The following PLCE1 variants were observed in gnomAD, a reference collection of about 807,000 sequenced individuals.
The protein encoded by PLCE1 is phospholipase C epsilon 1.
A neutral mutation model predicts 242.8 loss-of-function variants in PLCE1; 119 were observed. That is an observed-to-expected ratio of 0.49 (90% CI 0.42 to 0.57). The LOEUF (loss-of-function observed/expected upper bound fraction) is 0.57. PLCE1 is among the 20% of genes least tolerant of loss of function. The pLI is 0.00. For synonymous variants in PLCE1, 945 were observed against 1,017.4 expected (o/e 0.93, Z 1.35); for missense variants, 2,441 against 2,788.8 (o/e 0.88, Z 2.81).
At chr10:94,161,253 A>G (rs1350340975) in intron 3 of PLCE1, among the ~76,000 whole-genome samples, 2 of 152,132 alleles carry the variant, frequency 1.3e-5, no homozygotes, top group African/African-American at 4.8e-5. Flanking sequence ...CTTGGGCAGT[A>G]TGGCCATTTT....
intron 2 of PLCE1, among the ~76,000 whole-genome samples, chr10:94,100,884 G>A (rs2045508750): frequency 6.6e-6 from 1 of 152,172 alleles, no homozygotes; most frequent in Non-Finnish European, 1.5e-5. Flanking sequence ...AGGGTTCCCT[G>A]TCTGGAATTG....
chr10:94,213,522 G>C (rs1589359629), intron 4 of PLCE1, among the ~76,000 whole-genome samples: 1 of 152,240 alleles, frequency 6.6e-6, no homozygotes, highest in Non-Finnish European at 1.5e-5. Context: ...CCTCCTCAGA[G>C]AGCCCTGACC....
At chr10:94,284,014 C>T (rs2052345807) in intron 21 of PLCE1, 103 bp downstream of exon 21, 3 of 1,346,262 alleles carry the variant, frequency 2.2e-6, no homozygotes, top group Admixed American at 1.7e-5. Flanking sequence ...TCACCTTTCC[C>T]CTCACTTTCC....
At chr10:93,994,348 G>A (rs2134115806) in intron 1 of PLCE1, among the ~76,000 whole-genome samples, 90 bp downstream of exon 1, 1 of 152,344 alleles carries the variant, frequency 6.6e-6, no homozygotes, top group Non-Finnish European at 1.5e-5. Context: ...ACCCGCCTAA[G>A]GGAGCAGCCC....
chr10:94,179,302 T>C (rs1286620896), intron 4 of PLCE1, among the ~76,000 whole-genome samples: 1 of 152,020 alleles, frequency 6.6e-6, no homozygotes, highest in African/African-American at 2.4e-5. Context: ...AAATCATGTC[T>C]CATGGTTCCT....
chr10:94,322,278 C>T (rs1311924516), intron 30 of PLCE1, among the ~76,000 whole-genome samples: 3 of 151,766 alleles, frequency 2.0e-5, no homozygotes, highest in Non-Finnish European at 2.9e-5. Flanking sequence ...TACTTGAGCA[C>T]AGGAGTTGGA....
chr10:94,082,224 A>G (rs1314047613), intron 2 of PLCE1: 1 of 152,238 alleles, frequency 6.6e-6, no homozygotes, highest in Non-Finnish European at 1.5e-5. Flanking sequence ...AAGGTGAAAT[A>G]AGAAGATGAG....
chr10:94,319,862 C>CTTTTTTTTT (rs1564894048), intron 29 of PLCE1, among the ~76,000 whole-genome samples: 1 of 86,198 alleles, frequency 1.2e-5, no homozygotes, highest in Non-Finnish European at 2.6e-5. Flanking sequence ...CTCAAAGGTG[C>CTTTTTTTTT]TCTTTTTTTT....
Position 94,293,612 on chromosome 10 carries a change from G to T in PLCE1, c.5140G>T (p.Ala1714Ser). The T allele has an allele frequency of 2.5e-6, 4 of 1,613,792 alleles. No individual in the cohort carries two copies. The highest frequency in any genetic ancestry group is 3.4e-6 in the Non-Finnish European group (4 of 1,179,790). The stretch of plus-strand genomic sequence containing the variant: ...GGGCAGAATGAGCCCAGGGGAGACA[G>T]CATCATTTAACAAAACATCTGGAAA... Reference protein sequence around the residue: ...NPGRMSPGETASFNKTSGKSS... With the variant: ...NPGRMSPGETSSFNKTSGKSS... Residue 1714 changes from alanine to serine, a missense_variant, in exon 23 of 33, where the codon GCA (alanine) becomes TCA (serine). Physicochemically the swap from Ala to Ser is moderately conservative, Grantham distance 99 (BLOSUM62 1). Around this residue, in one of 5 missense-constraint regions of PLCE1, gnomAD observed 1,004 missense variants for 1,322.7 expected, o/e 0.76. Transcript: ENST00000371380.
chr10:94,123,333 G>T (rs1046510916), intron 2 of PLCE1, among the ~76,000 whole-genome samples: 3 of 152,174 alleles, frequency 2.0e-5, no homozygotes, highest in Non-Finnish European at 1.5e-5. Flanking sequence ...AAGTGATAAA[G>T]GTTCAGCTTA....
chr10:94,089,221 G>A (rs756865070), intron 2 of PLCE1: 1 of 1,614,040 alleles, frequency 6.2e-7, no homozygotes, highest in Non-Finnish European at 8.5e-7. Context: ...CAGCCTCTTA[G>A]GCAGAGAGCC....
At chr10:94,308,054 G>A (rs2053264874) in intron 26 of PLCE1, among the ~76,000 whole-genome samples, 1 of 151,996 alleles carries the variant, frequency 6.6e-6, no homozygotes, top group African/African-American at 2.4e-5. Context: ...ACTAATCTTT[G>A]TGTTTTGTAA....
At chr10:94,087,440 ATTTTCT>A (rs2044874160) in intron 2 of PLCE1, among the ~76,000 whole-genome samples, 1 of 151,224 alleles carries the variant, frequency 6.6e-6, no homozygotes, top group African/African-American at 2.4e-5. Flanking sequence ...CAACCTCCTA[ATTTTCT>A]TTTTCTTTTG....
chr10:94,205,379 T>C (rs1257710903), intron 4 of PLCE1, among the ~76,000 whole-genome samples: 2 of 152,204 alleles, frequency 1.3e-5, no homozygotes, highest in Non-Finnish European at 2.9e-5. Context: ...TTACTTTCAA[T>C]ATTAAAGATT....
chr10:94,238,837 C>T (rs936042164), intron 7 of PLCE1, among the ~76,000 whole-genome samples: 1 of 152,010 alleles, frequency 6.6e-6, no homozygotes, highest in Non-Finnish European at 1.5e-5. Flanking sequence ...CATGCTGCAC[C>T]TTAAGAAGGA....
chr10:94,246,178 CAGCCCGACAAT>C lies in PLCE1; in HGVS notation c.2657_2667del (p.Pro886HisfsTer16). On this transcript the variant is annotated frameshift_variant, in exon 8 of 33. Coordinates refer to ENST00000371380, the MANE Select transcript of PLCE1 (RefSeq NM_016341.4). LOFTEE classifies it high-confidence loss of function. ...CTCTGCCCGCTGCTTCCTCCAGCTT[CAGCCCGACAAT>C]AGCACCTTGACCTGGGTAAAGCCCA... 6.2e-7 allele frequency: 1 copy of C among 1,614,154 alleles called. No individual in the cohort carries two copies. The highest frequency in any genetic ancestry group is 8.5e-7 in the Non-Finnish European group (1 of 1,180,008).
At chr10:94,177,117 T>C (rs947936222) in intron 4 of PLCE1, among the ~76,000 whole-genome samples, 5 of 152,202 alleles carry the variant, frequency 3.3e-5, no homozygotes, top group Non-Finnish European at 5.9e-5. Context: ...TTAACTGTAA[T>C]GTGAGAAAAA....
chr10:94,175,305 T>C (rs2136363551), intron 4 of PLCE1, among the ~76,000 whole-genome samples: 1 of 152,342 alleles, frequency 6.6e-6, no homozygotes, highest in African/African-American at 2.4e-5. Flanking sequence ...TGTGTGTCTA[T>C]CTTTTTTCTA....
chr10:94,221,451 T>A (rs1206022190), intron 4 of PLCE1, among the ~76,000 whole-genome samples: 1 of 152,200 alleles, frequency 6.6e-6, no homozygotes, highest in East Asian at 1.9e-4. Flanking sequence ...AGTAGCTTTG[T>A]CATAGCCGGG....
Sources: gnomAD v4.1 joint callset for allele counts (sites outside exome capture counted in the v4.1 genomes callset) on GRCh38, gnomAD v4.1.1 for gene constraint, gnomAD v4.1.1 regional missense constraint, MANE v1.5 for transcripts, NCBI Gene and HGNC (gene_info 2026-07-23, HGNC 2026-07-21) for gene names.